Variants in TTC28 observed in about 807,000 individuals in gnomAD.
TTC28 encodes the protein tetratricopeptide repeat domain 28, also known as tetratricopeptide repeat protein 28.
Under a neutral mutation model 198.0 loss-of-function variants are expected in TTC28, and 61 were observed. The observed-to-expected ratio is 0.31, with a 90% CI of 0.25 to 0.38. The LOEUF is 0.38. TTC28 is among the 10% of genes least tolerant of loss of function. The pLI is 1.00. For missense variants in TTC28, 2,678 were observed against 3,164.0 expected, an observed-to-expected ratio of 0.85 and a Z score of 3.69; for synonymous variants, 1,171 against 1,297.8, an observed-to-expected ratio of 0.90 and a Z score of 2.10.
intron 2 of TTC28, among the ~76,000 whole-genome samples, chr22:28,376,763 T>TTC (rs1311968009): frequency 6.6e-6 from 1 of 151,932 alleles, no homozygotes; most frequent in Non-Finnish European, 1.5e-5. Flanking sequence ...CAAGGCAAAA[T>TTC]ACTGGAATGG....
At chr22:28,253,936 C>G (rs1030498621) in intron 5 of TTC28, among the ~76,000 whole-genome samples, 1 of 151,920 alleles carries the variant, frequency 6.6e-6, no homozygotes, top group African/African-American at 2.4e-5. Flanking sequence ...GAAACTTTGT[C>G]TCTACTAAAA....
In TTC28 at chr22:28,105,446, T is replaced by C. The variant is rs1421336091; in HGVS notation, c.3140A>G (p.Tyr1047Cys). The C allele has an allele frequency of 7.7e-6, 12 of 1,551,700 alleles. No individual in the cohort carries two copies. The highest frequency in any genetic ancestry group is 1.0e-5 in the Non-Finnish European group (12 of 1,146,986). Residue 1047 changes from tyrosine (Y) to cysteine (C), a missense_variant, in exon 8 of 23, where the codon TAT becomes TGT. Around this residue, in one of 8 missense-constraint regions of TTC28, gnomAD observed 727 missense variants for 861.9 expected, o/e 0.84. Transcript: ENST00000397906. The part of the protein sequence containing the change: ...GRAYGNLGLT[Y>C]ESLGTFERAV... ...CCTCTCGAAGGTGCCCAGGGATTCATAAGTCAGGCCCAGGTTCCCATAGGC... is the reference window on the plus strand; with the variant it reads ...CCTCTCGAAGGTGCCCAGGGATTCACAAGTCAGGCCCAGGTTCCCATAGGC...
chr22:28,013,503 G>C (rs1938236990), intron 14 of TTC28, among the ~76,000 whole-genome samples: 1 of 152,202 alleles, frequency 6.6e-6, no homozygotes, highest in Non-Finnish European at 1.5e-5. Context: ...ATTATGCAAG[G>C]GTGTCTTTAA....
chr22:27,992,714 A>G, intron 18 of TTC28, 51 bp from the exon 19 acceptor site: 2 of 1,515,690 alleles, frequency 1.3e-6, no homozygotes, highest in Non-Finnish European at 1.8e-6. Context: ...TCTGCACCCA[A>G]AAGCCTGCCA....
intron 5 of TTC28, among the ~76,000 whole-genome samples, chr22:28,198,790 T>C (rs898107720): frequency 2.0e-5 from 3 of 152,134 alleles, no homozygotes; most frequent in Non-Finnish European, 4.4e-5. Context: ...AGTGTTGGTA[T>C]CCACCTAGCA....
chr22:28,594,816 A>C (rs2050509763), intron 2 of TTC28, among the ~76,000 whole-genome samples: 1 of 152,230 alleles, frequency 6.6e-6, no homozygotes, highest in Non-Finnish European at 1.5e-5. Flanking sequence ...CCGATAAATA[A>C]GAAGGAAAGT....
chr22:28,404,747 T>C (rs1314359230), intron 2 of TTC28, among the ~76,000 whole-genome samples: 2 of 152,238 alleles, frequency 1.3e-5, no homozygotes, highest in African/African-American at 4.8e-5. Flanking sequence ...CAACTGTTCA[T>C]TTTATATATC....
chr22:28,431,694 T>C (rs994259523), intron 2 of TTC28, among the ~76,000 whole-genome samples: 1 of 152,284 alleles, frequency 6.6e-6, no homozygotes, highest in Non-Finnish European at 1.5e-5. Flanking sequence ...ATCAGTAATA[T>C]AGGCCAAGCA....
Position 28,486,965 on chromosome 22 carries a change from A to T in TTC28, c.381+142587T>A, listed in dbSNP as rs193176440. ...AATGTTTGAGATTTACTGTTAAATG[A>T]TCAAAAATCTGAGTACAGTGCGAGA... On this transcript the variant is annotated intron_variant, in intron 2 of 22. Transcript: ENST00000397906. Among the ~76,000 whole-genome samples the T allele has an allele frequency of 3.0e-3, 460 of 152,338 alleles. 4 individuals carry two copies. Among genetic ancestry groups the T allele is most frequent in the African/African-American group, 0.011 (439 of 41,580 alleles).
At position 28,178,398 on chromosome 22, in the gene TTC28, C is replaced by T. The variant is rs1038213945; in HGVS notation, c.934-14799G>A. ...AGAATAATCACTTGAATCTGGGAGG[C>T]GGAGGTTGCAGTGAGCCGAGATGGC... is the stretch of plus-strand genomic sequence containing the variant. On this transcript the variant is annotated intron_variant, in intron 5 of 22. Transcript: ENST00000397906. Among the ~76,000 whole-genome samples, 4 of 151,436 alleles carry T rather than the reference C, an allele frequency of 2.6e-5. No individual in the cohort carries two copies. The South Asian group carries it at 8.4e-4, about 32-fold the overall frequency.
chr22:28,031,281 C>T (rs1275868611), intron 12 of TTC28, among the ~76,000 whole-genome samples: 3 of 152,198 alleles, frequency 2.0e-5, no homozygotes, highest in East Asian at 1.9e-4. Flanking sequence ...CACAAAGGCA[C>T]ATCTCTATGT....
rs927409023 is a variant in TTC28, at chr22:28,388,276, T to C, written c.382-81633A>G. ...TGTAGTATAGTTTGAAGTCAGGTAGTGTGATGCCTCCAGCTTTGTTCTTTT... is the reference window on the plus strand; with the variant it reads ...TGTAGTATAGTTTGAAGTCAGGTAGCGTGATGCCTCCAGCTTTGTTCTTTT... On this transcript the variant is annotated intron_variant, in intron 2 of 22. Transcript: ENST00000397906. 8.5e-5 allele frequency among the ~76,000 whole-genome samples: 13 copies of C among 152,178 alleles called. No individual in the cohort carries two copies. The East Asian group carries it at 1.3e-3, about 16-fold the overall frequency.
chr22:28,316,327 T>C (rs1315830820), intron 2 of TTC28, among the ~76,000 whole-genome samples: 1 of 152,196 alleles, frequency 6.6e-6, no homozygotes, highest in Non-Finnish European at 1.5e-5. Context: ...CCTCTCTCAT[T>C]ACATTGTGTT....
intron 2 of TTC28, among the ~76,000 whole-genome samples, chr22:28,569,198 A>AT (rs2050025024): frequency 6.7e-6 from 1 of 148,826 alleles, no homozygotes; most frequent in African/African-American, 2.5e-5. Context: ...AAATAAATAA[A>AT]ATTCACATGG....
intron 2 of TTC28, among the ~76,000 whole-genome samples, chr22:28,586,889 T>C (rs1273160248): frequency 6.6e-6 from 1 of 152,200 alleles, no homozygotes; most frequent in African/African-American, 2.4e-5. Context: ...GTACCTTTCA[T>C]TGGACTTATT....
intron 2 of TTC28, among the ~76,000 whole-genome samples, chr22:28,502,281 C>T (rs1446948455): frequency 1.3e-5 from 2 of 152,120 alleles, no homozygotes; most frequent in Non-Finnish European, 2.9e-5. Context: ...ATTTCAATAT[C>T]ACTAGATATC....
chr22:28,301,962 G>A (rs1030036639), intron 3 of TTC28, among the ~76,000 whole-genome samples: 9 of 151,878 alleles, frequency 5.9e-5, no homozygotes, highest in East Asian at 1.9e-4. Flanking sequence ...ACCTGAGCCC[G>A]GGAAGGTCGA....
chr22:28,106,862 T>C (rs922018205), intron 7 of TTC28, among the ~76,000 whole-genome samples, 200 bp downstream of exon 7: 1 of 152,206 alleles, frequency 6.6e-6, no homozygotes, highest in Non-Finnish European at 1.5e-5. Flanking sequence ...TCAATTTCTC[T>C]GGGCTTTAGT....
chr22:28,196,031 A>C (rs1039549129), intron 5 of TTC28, among the ~76,000 whole-genome samples: 11 of 152,016 alleles, frequency 7.2e-5, no homozygotes, highest in African/African-American at 2.4e-4. Context: ...ACCTGACTTC[A>C]AACTATACTA....
Sources: allele counts gnomAD v4.1 joint callset (sites outside exome capture counted in the v4.1 genomes callset), GRCh38; gene constraint gnomAD v4.1.1; regional missense constraint gnomAD v4.1.1; transcripts MANE v1.5; gene names NCBI Gene and HGNC (gene_info 2026-07-23, HGNC 2026-07-21).